NELL2: variants seen among roughly 807,000 people sequenced by gnomAD.
The protein encoded by NELL2 is protein kinase C-binding protein NELL2.
A neutral mutation model predicts 109.6 loss-of-function variants in NELL2; 41 were observed. That is an observed-to-expected ratio of 0.37 (90% CI 0.29 to 0.49). The LOEUF (loss-of-function observed/expected upper bound fraction) is 0.49. Ranked by LOEUF, NELL2 falls within the 20% of genes least tolerant of loss-of-function variation. The pLI, the probability that NELL2 is intolerant of heterozygous loss-of-function variation, is 0.98. For synonymous variants in NELL2, 355 were observed against 344.7 expected (o/e 1.03, Z -0.33); for missense variants, 900 against 1,008.3 (o/e 0.89, Z 1.45).
intron 3 of NELL2, among the ~76,000 whole-genome samples, chr12:44,781,421 T>C (rs552692669): frequency 1.7e-4 from 26 of 152,144 alleles, no homozygotes; most frequent in Admixed American, 1.7e-3. Flanking sequence ...CTAACATTTG[T>C]ATCACTAGCA....
chr12:44,531,518 C>T (rs1275214408), intron 16 of NELL2, among the ~76,000 whole-genome samples: 1 of 152,134 alleles, frequency 6.6e-6, no homozygotes, highest in African/African-American at 2.4e-5. Context: ...AGTAAGGCAA[C>T]AGCATTCCCA....
chr12:44,759,958 A>T (rs10785524), intron 9 of NELL2, among the ~76,000 whole-genome samples: 1 of 151,474 alleles, frequency 6.6e-6, no homozygotes. Flanking sequence ...TTCGTATCAT[A>T]TACCTATGGC....
chr12:44,919,468 C>T (rs924698295), intron 1 of NELL2, among the ~76,000 whole-genome samples: 7 of 152,058 alleles, frequency 4.6e-5, no homozygotes, highest in African/African-American at 9.7e-5. Flanking sequence ...TACCTGTGAC[C>T]GTAACCCTGG....
chr12:44,727,056 C>A (rs1939118966), intron 9 of NELL2, among the ~76,000 whole-genome samples: 1 of 152,038 alleles, frequency 6.6e-6, no homozygotes, highest in South Asian at 2.1e-4. Context: ...TAGAGTGAGA[C>A]ATGAAATTCT....
intron 1 of NELL2, among the ~76,000 whole-genome samples, chr12:44,908,637 G>A (rs563503002): frequency 1.3e-5 from 2 of 152,100 alleles, no homozygotes; most frequent in African/African-American, 4.8e-5. Flanking sequence ...GGCAGAAGTA[G>A]TGTTGGATGA....
intron 9 of NELL2, among the ~76,000 whole-genome samples, chr12:44,761,026 T>C (rs938408512): frequency 2.6e-5 from 4 of 152,214 alleles, no homozygotes; most frequent in African/African-American, 9.7e-5. Context: ...TGCAAATAAT[T>C]AATTTTTAAA....
At chr12:44,743,815 C>A (rs202122486) in intron 9 of NELL2, among the ~76,000 whole-genome samples, 2 of 151,406 alleles carry the variant, frequency 1.3e-5, no homozygotes, top group African/African-American at 4.8e-5. Context: ...CCTTAATGAC[C>A]TACAAAGAGA....
chr12:44,599,661 G>A (rs1349627156), intron 15 of NELL2, among the ~76,000 whole-genome samples: 1 of 152,096 alleles, frequency 6.6e-6, no homozygotes, highest in African/African-American at 2.4e-5. Context: ...AATATCCGAA[G>A]GGATAAATAT....
At chr12:44,815,056 C>T (rs948267908) in intron 3 of NELL2, among the ~76,000 whole-genome samples, 2 of 152,180 alleles carry the variant, frequency 1.3e-5, no homozygotes, top group Non-Finnish European at 2.9e-5. Context: ...CCAATGTCCA[C>T]AGATAGTAAG....
intron 11 of NELL2, 48 bp from the exon 12 acceptor site, chr12:44,703,902 T>G (rs767311763): frequency 2.1e-5 from 32 of 1,521,084 alleles, no homozygotes; most frequent in Non-Finnish European, 2.8e-5. Flanking sequence ...ACTATGACAA[T>G]GCAAATTTTT....
At position 44,749,623 on chromosome 12, in the gene NELL2, T is replaced by C. The variant is rs1298494906; in HGVS notation, c.994+25124A>G. Among the ~76,000 whole-genome samples the C allele has an allele frequency of 2.6e-5, 4 of 152,156 alleles. No homozygotes were observed. The East Asian group carries it at 7.7e-4, about 29-fold the overall frequency. ...GAAAAAACTGATGTCATTTGAGGAT[T>C]ATTACATGTATTTCCAAGATGCCAT... On this transcript the variant is annotated intron_variant, in intron 9 of 19. Coordinates refer to ENST00000429094, the MANE Select transcript of NELL2 (RefSeq NM_001145108.2).
rs377041370 is a variant in NELL2 at position 44,564,815 on chromosome 12, G to T, written c.1664-32094C>A. 5.3e-5 allele frequency among the ~76,000 whole-genome samples: 8 copies of T among 152,246 alleles called. No homozygotes were observed. In the South Asian group the frequency reaches 1.7e-3, roughly 32 times the overall value. On this transcript the variant is annotated intron_variant, in intron 15 of 19. Transcript: ENST00000429094. Reference sequence around the variant, plus strand: ...TTTCTTTCATTACACACTACACGAAGACAGCCTGCAAATATAATTCCTGTG... The same window carrying T: ...TTTCTTTCATTACACACTACACGAATACAGCCTGCAAATATAATTCCTGTG...
At chr12:44,607,078 C>G in intron 15 of NELL2, 91 bp downstream of exon 15, 1 of 1,090,960 alleles carries the variant, frequency 9.2e-7, no homozygotes, top group Non-Finnish European at 1.3e-6. Flanking sequence ...TTTGAGAGCC[C>G]ACTTGAAACT....
At chr12:44,572,768 T>C (rs1300218398) in intron 15 of NELL2, among the ~76,000 whole-genome samples, 1 of 152,168 alleles carries the variant, frequency 6.6e-6, no homozygotes, top group Non-Finnish European at 1.5e-5. Context: ...TATGATGCAA[T>C]GGCTTAAAGA....
At chr12:44,889,451 T>C (rs12816596) in intron 1 of NELL2, among the ~76,000 whole-genome samples, 11,343 of 152,034 alleles carry the variant, frequency 0.075, 557 homozygotes, top group Admixed American at 0.12. Context: ...AGAGTGAGCA[T>C]TGGCTGCTTT....
chr12:44,557,278 C>G (rs751687180), intron 15 of NELL2, among the ~76,000 whole-genome samples: 6 of 152,128 alleles, frequency 3.9e-5, no homozygotes, highest in Non-Finnish European at 2.9e-5. Flanking sequence ...ACCACTGCTC[C>G]CACTATCTAT....
At chr12:44,637,993 T>C (rs948714401) in intron 13 of NELL2, among the ~76,000 whole-genome samples, 5 of 152,080 alleles carry the variant, frequency 3.3e-5, no homozygotes, top group African/African-American at 1.2e-4. Flanking sequence ...AATTCTTTCT[T>C]ACTGCAAAAG....
chr12:44,618,899 T>TAGG (rs1231990893), intron 13 of NELL2, among the ~76,000 whole-genome samples: 4 of 152,258 alleles, frequency 2.6e-5, no homozygotes, highest in Admixed American at 6.5e-5. Context: ...CCTGTTCGGG[T>TAGG]AGGTATTAGT....
intron 15 of NELL2, among the ~76,000 whole-genome samples, chr12:44,573,069 A>G (rs945806316): frequency 2.0e-5 from 3 of 152,188 alleles, no homozygotes; most frequent in African/African-American, 7.2e-5. Flanking sequence ...CTCCAATAAT[A>G]TGGATTGAGC....
Sources: gnomAD v4.1 joint callset for allele counts (sites outside exome capture counted in the v4.1 genomes callset) on GRCh38, gnomAD v4.1.1 for gene constraint, MANE v1.5 for transcripts, NCBI Gene and HGNC (gene_info 2026-07-23, HGNC 2026-07-21) for gene names.